COL4A1: variants seen among roughly 807,000 people sequenced by gnomAD.
COL4A1 encodes collagen alpha-1(IV) chain.
In COL4A1, 40 loss-of-function variants were observed where a neutral mutation model predicts 216.6. That is an observed-to-expected ratio of 0.18 (90% confidence interval 0.14 to 0.24). The LOEUF is 0.24. COL4A1 is among the 10% of genes least tolerant of loss of function. COL4A1 has a pLI of 1.00. For synonymous variants in COL4A1, 839 were observed against 810.7 expected, an observed-to-expected ratio of 1.03 and a Z score of -0.59; for missense variants, 1,628 against 2,196.8, an observed-to-expected ratio of 0.74 and a Z score of 5.18.
rs770058017 is a variant in COL4A1 at position 110,178,169 on chromosome 13, G to A, written c.2521C>T (p.Pro841Ser). 1.1e-5 allele frequency: 18 copies of A among 1,613,940 alleles called. No homozygotes were observed. Among genetic ancestry groups the A allele is most frequent in the Middle Eastern group, 3.3e-4 (2 of 6,074 alleles). ...CCTTGAGCCCCTTTATCTCCTTTAG[G>A]GCCCGGCATGTCCAGTCCAGGGAAT... ...PGFPGLDMPGPKGDKGAQGLP... is the reference protein window; with the variant it reads ...PGFPGLDMPGSKGDKGAQGLP... Residue 841 changes from proline to serine, a missense_variant, in exon 32 of 52, where the codon CCT (proline) becomes TCT (serine). Physicochemically the swap from Pro to Ser is moderately conservative, Grantham distance 74. Coordinates refer to ENST00000375820, the MANE Select transcript of COL4A1 (RefSeq NM_001845.6).
chr13:110,274,577 T>C (rs554279187), intron 1 of COL4A1, among the ~76,000 whole-genome samples: 124 of 152,266 alleles, frequency 8.1e-4, no homozygotes, highest in African/African-American at 2.9e-3. Flanking sequence ...TGAAATGATA[T>C]ACAATATATG....
chr13:110,160,165 G>C lies in COL4A1; in HGVS notation c.4640+1027C>G, dbSNP rs191873125. Among the ~76,000 whole-genome samples the C allele has an allele frequency of 2.5e-3, 372 of 148,862 alleles. 38 individuals are homozygous for C. Among genetic ancestry groups the C allele is most frequent in the Non-Finnish European group, 7.2e-4 (49 of 67,668 alleles). ...CTTTTAAAAAAATTCATAGGGGGCC[G>C]GGCGCGGTGGCTCACGCCTGTAATC... On this transcript the variant is annotated intron_variant, in intron 49 of 51. Coordinates refer to ENST00000375820, the MANE Select transcript of COL4A1 (RefSeq NM_001845.6).
At chr13:110,251,170 C>T (rs1882055597) in intron 1 of COL4A1, among the ~76,000 whole-genome samples, 1 of 152,252 alleles carries the variant, frequency 6.6e-6, no homozygotes, top group South Asian at 2.1e-4. Context: ...CCCGGCTGTG[C>T]TGAAGGGCAG....
intron 26 of COL4A1, 130 bp from the exon 27 acceptor site, chr13:110,183,406 T>C: frequency 1.2e-6 from 1 of 824,174 alleles, no homozygotes; most frequent in African/African-American, 1.7e-5. Context: ...GAGCAGAGCC[T>C]CTGCCTGTGT....
chr13:110,211,191 C>T lies in COL4A1; in HGVS notation c.468+456G>A, dbSNP rs1391287563. Among the ~76,000 whole-genome samples the T allele has an allele frequency of 6.6e-6, 1 of 152,206 alleles. No homozygotes were observed. The highest frequency in any genetic ancestry group is 1.5e-5 in the Non-Finnish European group (1 of 68,036). On this transcript the variant is annotated intron_variant, in intron 8 of 51. Transcript: ENST00000375820. The surrounding 1 kb of genome is among the most constrained non-coding windows in gnomAD (Gnocchi z 4.3). ...AGGCTGATCCCAACATCCAGATGCC[C>T]GAGGTCCCCGCCCTGTGCCCAAGCA...
In COL4A1 at chr13:110,288,283, T is replaced by A. The variant is rs560676898; in HGVS notation, c.84+18661A>T. Among the ~76,000 whole-genome samples the A allele has an allele frequency of 1.4e-3, 202 of 149,244 alleles. 1 individual carries two copies. Among genetic ancestry groups the A allele is most frequent in the African/African-American group, 4.7e-3 (190 of 40,852 alleles). On this transcript the variant is annotated intron_variant, in intron 1 of 51. Coordinates refer to ENST00000375820, the MANE Select transcript of COL4A1 (RefSeq NM_001845.6). ...CTCTCAAAAAAAAAAAAAATAATAA[T>A]AATAATAATAATAATTAAGCCTGAG...
chr13:110,219,029 A>C (rs1880240397), intron 2 of COL4A1, among the ~76,000 whole-genome samples: 1 of 152,212 alleles, frequency 6.6e-6, no homozygotes. Flanking sequence ...AGACATCTGC[A>C]GGACCATTTC....
In COL4A1 at chr13:110,287,800, G is replaced by A. The variant is rs116641658; in HGVS notation, c.84+19144C>T. ...CCAAGAGAAACGTTTCCTTTCAGGG[G>A]CTAATGCAGGCGCTACAATACCTGC... On this transcript the variant is annotated intron_variant, in intron 1 of 51. Transcript: ENST00000375820. Among the ~76,000 whole-genome samples, 1,040 of 152,294 alleles carry A rather than the reference G, an allele frequency of 6.8e-3. 16 individuals are homozygous for A. Among genetic ancestry groups the A allele is most frequent in the African/African-American group, 0.024 (1,007 of 41,540 alleles).
At position 110,211,998 on chromosome 13, in the gene COL4A1, T is replaced by C. The variant is rs1052339323; in HGVS notation, c.388-76A>G. The C allele has an allele frequency of 7.3e-7, 1 of 1,372,594 alleles. No individual in the cohort carries two copies. The highest frequency in any genetic ancestry group is 1.7e-5 in the Admixed American group (1 of 59,594). 85.0% of individuals were successfully genotyped at this position (1,372,594 alleles called of 1,614,324 possible). A position where few individuals can be genotyped will look rare whatever the true frequency, so the allele number is the denominator to read the frequency against. Reference sequence around the variant, plus strand: ...TCAGCCCTGACATCGCATGCATCACTCTGCCCTACCCTTCATTTGTTGGTT... The same window carrying C: ...TCAGCCCTGACATCGCATGCATCACCCTGCCCTACCCTTCATTTGTTGGTT... On this transcript the variant is annotated intron_variant, in intron 6 of 51. Transcript: ENST00000375820. This position sits in a 1 kb window ranked among gnomAD's most constrained non-coding sequence, Gnocchi z 4.3.
chr13:110,253,598 C>CGTATGTATGTATTACATATAATTATATGT (rs1882339931), intron 1 of COL4A1, among the ~76,000 whole-genome samples: 1 of 119,742 alleles, frequency 8.4e-6, no homozygotes, highest in Admixed American at 8.4e-5. Context: ...TATAATTATA[C>CGTATGTATGTATTACATATAATTATATGT]GTATGTATGT....
chr13:110,186,115 T>C (rs1878392733), intron 26 of COL4A1, among the ~76,000 whole-genome samples: 1 of 152,174 alleles, frequency 6.6e-6, no homozygotes, highest in African/African-American at 2.4e-5. Flanking sequence ...ATACAAAGGC[T>C]GACTTTAGCT....
intron 21 of COL4A1, 118 bp downstream of exon 21, chr13:110,198,349 T>C (rs757200305): frequency 3.8e-5 from 40 of 1,059,662 alleles, no homozygotes; most frequent in Admixed American, 1.4e-4. Context: ...ATTAGAAGAA[T>C]CCACGCCTTT....
At chr13:110,228,696 C>T (rs1462003573) in intron 2 of COL4A1, among the ~76,000 whole-genome samples, 1 of 152,214 alleles carries the variant, frequency 6.6e-6, no homozygotes. Flanking sequence ...GGTTCACGGC[C>T]TTATCCAATA....
intron 20 of COL4A1, 54 bp downstream of exon 20, chr13:110,200,800 A>T: frequency 6.5e-7 from 1 of 1,541,086 alleles, no homozygotes; most frequent in East Asian, 2.2e-5. Context: ...TCAGAATATA[A>T]ACAGCACAGA....
rs748465472 is a variant in COL4A1, at chr13:110,176,853, G to A, written c.2869+32C>T. The A allele has an allele frequency of 5.6e-5, 90 of 1,614,070 alleles. No homozygotes were observed. In the East Asian group the frequency reaches 1.5e-3, roughly 28 times the overall value. ...CCCAGGAAAGGCACATTGTGGTTCCGAGCTTGGCCATGAGAAGCCTCCTGG... is the reference window on the plus strand; with the variant it reads ...CCCAGGAAAGGCACATTGTGGTTCCAAGCTTGGCCATGAGAAGCCTCCTGG... On this transcript the variant is annotated intron_variant, in intron 34 of 51. Transcript: ENST00000375820.
chr13:110,249,160 G>C (rs1881968547), intron 1 of COL4A1, among the ~76,000 whole-genome samples: 1 of 152,116 alleles, frequency 6.6e-6, no homozygotes, highest in Non-Finnish European at 1.5e-5. Flanking sequence ...GGGAAAAGAA[G>C]TCAGAATTGT....
At chr13:110,306,818 G>T in intron 1 of COL4A1, 126 bp downstream of exon 1, 1 of 819,400 alleles carries the variant, frequency 1.2e-6, no homozygotes, top group Non-Finnish European at 1.7e-6. Context: ...CCCAGAGAAT[G>T]CACCTGGCCG....
chr13:110,163,984 CTTTTTT>C (rs58236306), intron 46 of COL4A1, among the ~76,000 whole-genome samples: 1,206 of 110,224 alleles, frequency 0.011, 5 homozygotes, highest in Non-Finnish European at 0.014. Context: ...TTCTCTCTCT[CTTTTTT>C]TTTTTTTTTT....
chr13:110,216,980 A>T (rs556014976), intron 2 of COL4A1, among the ~76,000 whole-genome samples: 4 of 152,312 alleles, frequency 2.6e-5, no homozygotes, highest in African/African-American at 7.2e-5. Flanking sequence ...AGTTTAAGCA[A>T]TCTGTGTATC....
Sources: allele counts gnomAD v4.1 joint callset (sites outside exome capture counted in the v4.1 genomes callset), GRCh38; gene constraint gnomAD v4.1.1; non-coding constraint Gnocchi (gnomAD v3.1); transcripts MANE v1.5; gene names NCBI Gene and HGNC (gene_info 2026-07-23, HGNC 2026-07-21).